Variants in ANGPT1 observed in about 807,000 individuals in gnomAD.
ANGPT1 encodes angiopoietin 1.
A neutral mutation model predicts 62.2 loss-of-function variants in ANGPT1; 17 were observed. The ratio of observed to expected loss-of-function variants is 0.27; its 90% CI spans 0.19 to 0.41. The LOEUF (loss-of-function observed/expected upper bound fraction) is 0.41. Ranked by LOEUF, ANGPT1 falls within the 10% of genes least tolerant of loss-of-function variation. ANGPT1 has a pLI of 1.00. For synonymous variants in ANGPT1, 199 were observed against 198.9 expected (o/e 1.00, Z 0.00); for missense variants, 478 against 594.9 (o/e 0.80, Z 2.04).
intron 1 of ANGPT1, among the ~76,000 whole-genome samples, chr8:107,424,651 A>T (rs1009278743): frequency 6.6e-6 from 1 of 152,210 alleles, no homozygotes; most frequent in Non-Finnish European, 1.5e-5. Context: ...ACTGGAAAAC[A>T]TTGGGCAGCC....
intron 7 of ANGPT1, among the ~76,000 whole-genome samples, chr8:107,267,084 C>G (rs1000340456): frequency 4.0e-5 from 6 of 151,894 alleles, no homozygotes; most frequent in Admixed American, 2.6e-4. Context: ...TGAACACATT[C>G]TTATAAAATT....
chr8:107,453,194 T>A (rs1811823343), intron 1 of ANGPT1, among the ~76,000 whole-genome samples: 1 of 152,076 alleles, frequency 6.6e-6, no homozygotes, highest in South Asian at 2.1e-4. Context: ...ACCTCTGTAT[T>A]ATTATTTTTA....
chr8:107,253,488 T>C (rs1813292210), intron 8 of ANGPT1, among the ~76,000 whole-genome samples: 1 of 152,194 alleles, frequency 6.6e-6, no homozygotes, highest in Non-Finnish European at 1.5e-5. Flanking sequence ...TTGATTCTGT[T>C]TTTAACTTTT....
chr8:107,261,842 G>C (rs1483427065), intron 8 of ANGPT1, among the ~76,000 whole-genome samples: 1 of 152,096 alleles, frequency 6.6e-6, no homozygotes, highest in Non-Finnish European at 1.5e-5. Flanking sequence ...GGGTCAATGG[G>C]CTGTGATTTG....
chr8:107,393,035 T>C (rs1816865295), intron 1 of ANGPT1, among the ~76,000 whole-genome samples: 1 of 152,168 alleles, frequency 6.6e-6, no homozygotes, highest in African/African-American at 2.4e-5. Flanking sequence ...CAATGGGTAA[T>C]AGTGACTATT....
chr8:107,290,852 T>C (rs1241650116), intron 6 of ANGPT1, among the ~76,000 whole-genome samples: 3 of 152,154 alleles, frequency 2.0e-5, no homozygotes, highest in African/African-American at 7.2e-5. Context: ...AAAGAATTGC[T>C]TAGAAATGGA....
At chr8:107,327,909 C>T (rs1193853323) in intron 3 of ANGPT1, among the ~76,000 whole-genome samples, 1 of 152,104 alleles carries the variant, frequency 6.6e-6, no homozygotes, top group African/African-American at 2.4e-5. Flanking sequence ...CTTCTCCATA[C>T]CCCTGTTTTA....
intron 1 of ANGPT1, among the ~76,000 whole-genome samples, chr8:107,463,978 C>T (rs1484911155): frequency 6.6e-6 from 1 of 152,116 alleles, no homozygotes; most frequent in East Asian, 1.9e-4. Context: ...TATAGGGAGA[C>T]ATTTTTGAAA....
chr8:107,336,258 G>A lies in ANGPT1; in HGVS notation c.467C>T (p.Thr156Ile). 6.2e-7 allele frequency: 1 copy of A among 1,600,276 alleles called. No homozygotes were observed. Among genetic ancestry groups the A allele is most frequent in the African/African-American group, 1.3e-5 (1 of 74,162 alleles). Residue 156 changes from threonine (T) to isoleucine (I), a missense_variant, in exon 3 of 9, where the codon ACT becomes ATT. Physicochemically the swap from Thr to Ile is moderately conservative, Grantham distance 89 (BLOSUM62 -1). Around this residue, in one of 4 missense-constraint regions of ANGPT1, gnomAD observed 343 missense variants for 355.4 expected, o/e 0.97. Transcript: ENST00000517746. ...TDVETQVLNQ[T>I]SRLEIQLLEN... ...CAGCAGCTGTATCTCAAGTCGAGAA[G>A]TTTGATTTAGTACCTTAAGATAAAA...
At chr8:107,366,425 A>T (rs1342747223) in intron 1 of ANGPT1, among the ~76,000 whole-genome samples, 2 of 152,218 alleles carry the variant, frequency 1.3e-5, no homozygotes, top group Non-Finnish European at 2.9e-5. Flanking sequence ...TTAAATTAGC[A>T]CAAAAGTATC....
chr8:107,423,299 C>A (rs1810941774), intron 1 of ANGPT1, among the ~76,000 whole-genome samples: 1 of 152,166 alleles, frequency 6.6e-6, no homozygotes. Context: ...CTGAAGTGTG[C>A]CCGCATGGTT....
At chr8:107,426,455 G>A (rs1232549486) in intron 1 of ANGPT1, among the ~76,000 whole-genome samples, 1 of 152,166 alleles carries the variant, frequency 6.6e-6, no homozygotes, top group Non-Finnish European at 1.5e-5. Context: ...TTTGAGGAAA[G>A]TTTATCTATT....
At chr8:107,297,383 T>G (rs1183591780) in intron 5 of ANGPT1, among the ~76,000 whole-genome samples, 4 of 151,988 alleles carry the variant, frequency 2.6e-5, no homozygotes, top group Non-Finnish European at 5.9e-5. Context: ...AGATATTTTC[T>G]GAGAATTTGA....
chr8:107,291,175 G>A (rs1814262261), intron 6 of ANGPT1, among the ~76,000 whole-genome samples: 1 of 152,156 alleles, frequency 6.6e-6, no homozygotes, highest in African/African-American at 2.4e-5. Context: ...GCATAGTTAA[G>A]TGAAATTTTT....
In ANGPT1 at chr8:107,330,866, G is replaced by A. The variant is rs115115969; in HGVS notation, c.575+5284C>T. On this transcript the variant is annotated intron_variant, in intron 3 of 8. Coordinates refer to ENST00000517746, the MANE Select transcript of ANGPT1 (RefSeq NM_001146.5). Reference sequence around the variant, plus strand: ...ATTGTATTTCATGCCAAGATACTACGGTTATTATAATTTAAAAAAAGGAAA... The same window carrying A: ...ATTGTATTTCATGCCAAGATACTACAGTTATTATAATTTAAAAAAAGGAAA... Among the ~76,000 whole-genome samples, 854 of 151,940 alleles carry A rather than the reference G, an allele frequency of 5.6e-3. 10 individuals carry two copies. Among genetic ancestry groups the A allele is most frequent in the African/African-American group, 0.019 (786 of 41,394 alleles).
At chr8:107,340,391 T>A (rs995664586) in intron 2 of ANGPT1, among the ~76,000 whole-genome samples, 4 of 152,066 alleles carry the variant, frequency 2.6e-5, no homozygotes, top group Admixed American at 6.6e-5. Flanking sequence ...TTCTTTTTTT[T>A]AAAAAAGTAA....
In ANGPT1 at chr8:107,478,024, G is replaced by T. The variant is rs1812578113; in HGVS notation, c.297+19238C>A. Among the ~76,000 whole-genome samples, 2 of 148,774 alleles carry T rather than the reference G, an allele frequency of 1.3e-5. 1 individual carries two copies. Among genetic ancestry groups the T allele is most frequent in the South Asian group, 4.2e-4 (2 of 4,766 alleles). On this transcript the variant is annotated intron_variant, in intron 1 of 8. Coordinates refer to ENST00000517746, the MANE Select transcript of ANGPT1 (RefSeq NM_001146.5). ...AGCTGCTTCGGTAGTAAAAAATGAA[G>T]TTACCAATGGAAAAACCCTGTTCCA...
intron 1 of ANGPT1, among the ~76,000 whole-genome samples, chr8:107,413,776 C>A (rs1041410799): frequency 1.3e-5 from 2 of 151,632 alleles, no homozygotes; most frequent in Non-Finnish European, 2.9e-5. Context: ...TAAATAAAGA[C>A]AAGATCAGTG....
chr8:107,304,926 G>A (rs1814679238), intron 4 of ANGPT1, among the ~76,000 whole-genome samples: 1 of 151,848 alleles, frequency 6.6e-6, no homozygotes, highest in South Asian at 2.1e-4. Context: ...ATATGATAGT[G>A]AAGAAGTACT....
Sources: gnomAD v4.1 joint callset for allele counts (sites outside exome capture counted in the v4.1 genomes callset) on GRCh38, gnomAD v4.1.1 for gene constraint, gnomAD v4.1.1 regional missense constraint, MANE v1.5 for transcripts, NCBI Gene and HGNC (gene_info 2026-07-23, HGNC 2026-07-21) for gene names.